The following SRFBP1 variants were observed in gnomAD, a reference collection of about 807,000 sequenced individuals.
The protein encoded by SRFBP1 is serum response factor binding protein 1.
SRFBP1 carries 47 observed loss-of-function variants against 45.5 expected under a neutral mutation model. That is an observed-to-expected ratio of 1.03 (90% CI 0.82 to 1.32). SRFBP1 has a LOEUF of 1.32. Ranked by LOEUF, SRFBP1 falls within the 40% of genes most tolerant of loss-of-function variation. SRFBP1 has a pLI of 0.00. For synonymous variants in SRFBP1, 203 were observed against 166.3 expected (o/e 1.22, Z -1.70); for missense variants, 621 against 484.6 (o/e 1.28, Z -2.64).
downstream of SRFBP1, chr5:122,077,262 C>T (rs1177199631): frequency 6.4e-7 from 1 of 1,561,640 alleles, no homozygotes; most frequent in East Asian, 2.3e-5. This position sits in a 1 kb window ranked among gnomAD's most constrained non-coding sequence, Gnocchi z 4.9. Context: ...TCTGCGAGGA[C>T]CGGGGCCCGC....
chr5:121,969,320 C>G (rs1006097881), intron 1 of SRFBP1, among the ~76,000 whole-genome samples: 3 of 152,040 alleles, frequency 2.0e-5, no homozygotes, highest in African/African-American at 7.2e-5. Context: ...GTTTTAGTTG[C>G]ATGATTCATG....
intron 4 of SRFBP1, among the ~76,000 whole-genome samples, chr5:121,998,067 G>A: frequency 6.6e-6 from 1 of 152,066 alleles, no homozygotes; most frequent in East Asian, 1.9e-4. Context: ...CTGTTGGTGG[G>A]ACTGTAAACT....
downstream of SRFBP1, among the ~76,000 whole-genome samples, chr5:122,078,533 C>CA (rs1438454173): frequency 6.6e-6 from 1 of 152,088 alleles, no homozygotes; most frequent in Non-Finnish European, 1.5e-5. Flanking sequence ...GCAGGAATTT[C>CA]AAAAAACTCA....
intron 2 of SRFBP1, among the ~76,000 whole-genome samples, chr5:122,044,288 T>G (rs1753815815): frequency 6.6e-6 from 1 of 152,238 alleles, no homozygotes; most frequent in Admixed American, 6.5e-5. Flanking sequence ...TCTTTGCTAT[T>G]GTGAATAGGG....
downstream of SRFBP1, chr5:122,078,193 T>G: frequency 2.2e-6 from 1 of 449,292 alleles, no homozygotes; most frequent in Non-Finnish European, 3.8e-6. Flanking sequence ...ACCCTTCCCT[T>G]TCCCCTTTCT....
intron 4 of SRFBP1, among the ~76,000 whole-genome samples, chr5:122,007,652 TG>T (rs1221941823): frequency 6.6e-6 from 1 of 151,094 alleles, no homozygotes; most frequent in African/African-American, 2.4e-5. Flanking sequence ...TCCTGCACCC[TG>T]GGTCTGTGTT....
intron 2 of SRFBP1, among the ~76,000 whole-genome samples, chr5:122,039,877 A>G (rs182618737): frequency 8.4e-4 from 128 of 152,326 alleles, no homozygotes; most frequent in Admixed American, 1.7e-3. Flanking sequence ...TTCTAATGCT[A>G]TATTTGAGTA....
chr5:122,015,605 T>C (rs536030295), intron 4 of SRFBP1, among the ~76,000 whole-genome samples: 1 of 152,374 alleles, frequency 6.6e-6, no homozygotes, highest in African/African-American at 2.4e-5. Flanking sequence ...TGACTTTGGC[T>C]TTGTTCCATA....
chr5:121,986,692 A>G (rs1752525578), intron 3 of SRFBP1, among the ~76,000 whole-genome samples: 1 of 152,094 alleles, frequency 6.6e-6, no homozygotes, highest in Non-Finnish European at 1.5e-5. Context: ...CTTTTCTGGC[A>G]TAAGAAATTA....
chr5:122,051,638 G>C (rs921150169), intron 2 of SRFBP1, among the ~76,000 whole-genome samples: 4 of 151,104 alleles, frequency 2.6e-5, no homozygotes, highest in Non-Finnish European at 5.9e-5. Context: ...TTTGTTTTGA[G>C]CCTGTGGATA....
At chr5:121,982,080 C>T (rs2112826087) in intron 3 of SRFBP1, among the ~76,000 whole-genome samples, 1 of 151,816 alleles carries the variant, frequency 6.6e-6, no homozygotes, top group East Asian at 1.9e-4. Context: ...AGAAGCTTTT[C>T]TTTTTGCTTA....
intron 7 of SRFBP1, among the ~76,000 whole-genome samples, chr5:122,022,721 G>A (rs1753388162): frequency 6.6e-6 from 1 of 152,056 alleles, no homozygotes; most frequent in Non-Finnish European, 1.5e-5. Flanking sequence ...GATCCTAAAC[G>A]CTAATGCCAT....
chr5:122,038,707 T>G (rs942703958), intron 2 of SRFBP1, among the ~76,000 whole-genome samples: 1 of 152,202 alleles, frequency 6.6e-6, no homozygotes. Flanking sequence ...TTGAAAACTT[T>G]ATTTAGGAAA....
intron 1 of SRFBP1, among the ~76,000 whole-genome samples, chr5:121,968,221 CATTATTATTATT>C (rs5870986): frequency 0.011 from 1,538 of 144,702 alleles, 15 homozygotes; most frequent in Admixed American, 0.015. Flanking sequence ...CAAACTCTGT[CATTATTATTATT>C]ATTATTATTA....
downstream of SRFBP1, among the ~76,000 whole-genome samples, chr5:122,033,449 C>T (rs1753623347): frequency 6.6e-6 from 1 of 151,848 alleles, no homozygotes; most frequent in South Asian, 2.1e-4. Flanking sequence ...GCTTTGCTTG[C>T]TACTTCATCC....
intron 2 of SRFBP1, among the ~76,000 whole-genome samples, chr5:122,056,567 AC>A (rs1250157221): frequency 6.6e-6 from 1 of 152,154 alleles, no homozygotes; most frequent in African/African-American, 2.4e-5. Context: ...CTAGTTTTGA[AC>A]CTGGAGCTAT....
chr5:121,973,678 ATCT>A (rs1270505757), intron 1 of SRFBP1, among the ~76,000 whole-genome samples: 3 of 151,428 alleles, frequency 2.0e-5, no homozygotes, highest in Admixed American at 6.6e-5. Context: ...GTGTTTGTGG[ATCT>A]TCTTTTAAAA....
At chr5:121,963,082 GCAGT>G (rs759848058) in intron 1 of SRFBP1, among the ~76,000 whole-genome samples, 17 of 152,176 alleles carry the variant, frequency 1.1e-4, no homozygotes, top group Non-Finnish European at 1.8e-4. Context: ...CACAGGAATT[GCAGT>G]CAGTGATTCA....
At chr5:122,037,723 G>A (rs1005977961) in intron 2 of SRFBP1, among the ~76,000 whole-genome samples, 1 of 150,638 alleles carries the variant, frequency 6.6e-6, no homozygotes, top group Non-Finnish European at 1.5e-5. Flanking sequence ...TTGCCACGTC[G>A]CCCAGGCTGA....
Sources: gnomAD v4.1 joint callset for allele counts (sites outside exome capture counted in the v4.1 genomes callset) on GRCh38, gnomAD v4.1.1 for gene constraint, Gnocchi (gnomAD v3.1) non-coding constraint, MANE v1.5 for transcripts, NCBI Gene and HGNC (gene_info 2026-07-23, HGNC 2026-07-21) for gene names.